The following EXOC6B variants were observed in gnomAD, a reference collection of about 807,000 sequenced individuals.
EXOC6B encodes exocyst complex component 6B, also known as SEC15 homolog B.
Under a neutral mutation model 113.5 loss-of-function variants are expected in EXOC6B, and 54 were observed. The ratio of observed to expected loss-of-function variants is 0.48; its 90% CI spans 0.38 to 0.60. The LOEUF is 0.60. Among genes scored for constraint, EXOC6B ranks in the 20% least tolerant of loss-of-function variants. The pLI, the probability that EXOC6B is intolerant of heterozygous loss-of-function variation, is 0.00. For synonymous variants in EXOC6B, 357 were observed against 339.0 expected (o/e 1.05, Z -0.58); for missense variants, 797 against 977.5 (o/e 0.82, Z 2.46).
At chr2:72,265,784 G>T (rs1188370244) in intron 20 of EXOC6B, among the ~76,000 whole-genome samples, 3 of 152,110 alleles carry the variant, frequency 2.0e-5, no homozygotes, top group Non-Finnish European at 4.4e-5. Flanking sequence ...TGGGATGGCT[G>T]GGTCAAATGG....
chr2:72,419,642 T>C (rs1232784373), intron 18 of EXOC6B, among the ~76,000 whole-genome samples: 1 of 152,236 alleles, frequency 6.6e-6, no homozygotes, highest in Non-Finnish European at 1.5e-5. Flanking sequence ...CCTTATGGCC[T>C]CCAACATTTC....
At chr2:72,230,897 G>A (rs528968998) in intron 20 of EXOC6B, among the ~76,000 whole-genome samples, 1 of 152,298 alleles carries the variant, frequency 6.6e-6, no homozygotes, top group South Asian at 2.1e-4. Flanking sequence ...ATATTCCTAA[G>A]ATGAAGAAAC....
At chr2:72,772,762 G>A (rs1009073709) in intron 1 of EXOC6B, among the ~76,000 whole-genome samples, 2 of 152,198 alleles carry the variant, frequency 1.3e-5, no homozygotes, top group East Asian at 1.9e-4. Flanking sequence ...GAGATTCTGA[G>A]TAGGCTGACT....
chr2:72,743,944 G>A lies in EXOC6B; in HGVS notation c.114-2475C>T, dbSNP rs111996251. Among the ~76,000 whole-genome samples the A allele has an allele frequency of 5.3e-4, 81 of 152,210 alleles. 1 individual carries two copies. Among genetic ancestry groups the A allele is most frequent in the African/African-American group, 1.8e-3 (73 of 41,552 alleles). ...ACTGCATAATAATGTTTTAGTTAACGATGGACCACATATATAATGGTGGTC... is the reference window on the plus strand; with the variant it reads ...ACTGCATAATAATGTTTTAGTTAACAATGGACCACATATATAATGGTGGTC... On this transcript the variant is annotated intron_variant, in intron 1 of 21. Transcript: ENST00000272427.
chr2:72,240,824 C>T (rs1682270981), intron 20 of EXOC6B, among the ~76,000 whole-genome samples: 1 of 152,194 alleles, frequency 6.6e-6, no homozygotes, highest in Non-Finnish European at 1.5e-5. Flanking sequence ...TTTGTCACTA[C>T]AGTTCTTACA....
rs908166277 is a variant in EXOC6B, at chr2:72,800,226, T to C, written c.113+25572A>G. ...TATAGTTTTTATTGATCACTTATTA[T>C]TCCCAGGCATTCTTCTAAGCTCTAT... On this transcript the variant is annotated intron_variant, in intron 1 of 21. Transcript: ENST00000272427. Among the ~76,000 whole-genome samples, 12 of 152,350 alleles carry C rather than the reference T, an allele frequency of 7.9e-5. No homozygotes were observed. The East Asian group carries it at 2.3e-3, about 29-fold the overall frequency.
intron 6 of EXOC6B, among the ~76,000 whole-genome samples, chr2:72,604,654 C>G (rs1329561975): frequency 6.6e-6 from 1 of 152,186 alleles, no homozygotes. Flanking sequence ...ATGTGCATAA[C>G]TCATGTACAT....
At chr2:72,613,018 G>T (rs1022744132) in intron 6 of EXOC6B, among the ~76,000 whole-genome samples, 1 of 152,136 alleles carries the variant, frequency 6.6e-6, no homozygotes, top group Non-Finnish European at 1.5e-5. Flanking sequence ...TGGGATGGGT[G>T]AGAGAGGAAT....
chr2:72,401,632 TATATAC>T (rs1460855143), intron 18 of EXOC6B, among the ~76,000 whole-genome samples: 12 of 46,250 alleles, frequency 2.6e-4, no homozygotes, highest in African/African-American at 2.4e-3. Context: ...CATATATATA[TATATAC>T]ATATATACAT....
intron 20 of EXOC6B, among the ~76,000 whole-genome samples, chr2:72,256,113 T>C (rs1203796826): frequency 3.9e-5 from 6 of 152,064 alleles, no homozygotes; most frequent in African/African-American, 1.2e-4. Context: ...AAAGAGGTCA[T>C]ATAAAGACCG....
chr2:72,539,513 C>A (rs913563260), intron 8 of EXOC6B, among the ~76,000 whole-genome samples: 1 of 152,184 alleles, frequency 6.6e-6, no homozygotes, highest in Non-Finnish European at 1.5e-5. Context: ...TTTTAGACTG[C>A]ACTAAAACCT....
intron 6 of EXOC6B, among the ~76,000 whole-genome samples, chr2:72,709,854 T>C (rs1679157081): frequency 1.3e-5 from 2 of 151,958 alleles, no homozygotes. Context: ...ATTAAAGCCA[T>C]CACTGAAAAT....
chr2:72,504,956 T>A (rs1263741914), intron 11 of EXOC6B, among the ~76,000 whole-genome samples: 2 of 152,182 alleles, frequency 1.3e-5, no homozygotes, highest in Non-Finnish European at 2.9e-5. Context: ...GATGTCTATC[T>A]TTAATGTAAT....
intron 6 of EXOC6B, among the ~76,000 whole-genome samples, chr2:72,601,302 C>T (rs1670425373): frequency 6.6e-6 from 1 of 152,078 alleles, no homozygotes; most frequent in African/African-American, 2.4e-5. Flanking sequence ...CCTGCCTCAG[C>T]CTCCCAAGTA....
intron 17 of EXOC6B, among the ~76,000 whole-genome samples, chr2:72,475,326 C>T (rs1698670619): frequency 6.6e-6 from 1 of 152,170 alleles, no homozygotes; most frequent in African/African-American, 2.4e-5. Context: ...ATGACAATGG[C>T]AGTGGCAGAA....
chr2:72,406,208 C>T lies in EXOC6B; in HGVS notation c.1981-26338G>A, dbSNP rs538242049. On this transcript the variant is annotated intron_variant, in intron 18 of 21. Transcript: ENST00000272427. ...GAGCACCCAGATTCATAAAGCAAGT[C>T]CTTAGAGAACTACAAAGAGACTTAG... Among the ~76,000 whole-genome samples the T allele has an allele frequency of 2.4e-3, 367 of 152,184 alleles. 1 individual carries two copies. Among genetic ancestry groups the T allele is most frequent in the African/African-American group, 8.4e-3 (347 of 41,518 alleles).
intron 11 of EXOC6B, among the ~76,000 whole-genome samples, chr2:72,504,880 T>C (rs1001531740): frequency 6.6e-5 from 10 of 152,210 alleles, no homozygotes; most frequent in African/African-American, 2.2e-4. Context: ...TTTCACATGT[T>C]TTCCCAGCCA....
intron 8 of EXOC6B, among the ~76,000 whole-genome samples, chr2:72,552,440 A>C (rs1703291734): frequency 6.6e-6 from 1 of 152,140 alleles, no homozygotes; most frequent in Admixed American, 6.5e-5. Flanking sequence ...GTTCTACACA[A>C]CTTTCAAGGA....
intron 18 of EXOC6B, among the ~76,000 whole-genome samples, chr2:72,448,140 A>C (rs1696697088): frequency 6.6e-6 from 1 of 152,164 alleles, no homozygotes; most frequent in South Asian, 2.1e-4. Flanking sequence ...ACAATAGCCC[A>C]AAAAATATCC....
Sources: allele counts gnomAD v4.1 joint callset (sites outside exome capture counted in the v4.1 genomes callset), GRCh38; gene constraint gnomAD v4.1.1; transcripts MANE v1.5; gene names NCBI Gene and HGNC (gene_info 2026-07-23, HGNC 2026-07-21).